The following CFAP299 variants were observed in gnomAD, a reference collection of about 807,000 sequenced individuals.
The protein encoded by CFAP299 is cilia- and flagella-associated protein 299.
A neutral mutation model predicts 27.0 loss-of-function variants in CFAP299; 21 were observed. The observed-to-expected ratio is 0.78, with a 90% CI of 0.55 to 1.12. The LOEUF (loss-of-function observed/expected upper bound fraction) is 1.12, where lower values mean the gene tolerates loss of function less well. Among genes scored for constraint, CFAP299 ranks in the 50% most tolerant of loss-of-function variants. The pLI, the probability that CFAP299 is intolerant of heterozygous loss-of-function variation, is 0.00. For synonymous variants in CFAP299, 104 were observed against 98.1 expected, an observed-to-expected ratio of 1.06 and a Z score of -0.36; for missense variants, 310 against 276.6, an observed-to-expected ratio of 1.12 and a Z score of -0.86.
intron 1 of CFAP299, among the ~76,000 whole-genome samples, chr4:80,350,887 C>T (rs1722981405): frequency 6.6e-6 from 1 of 151,952 alleles, no homozygotes; most frequent in Admixed American, 6.6e-5. Context: ...CACCATGGCA[C>T]ATGTATACCT....
intron 5 of CFAP299, among the ~76,000 whole-genome samples, chr4:80,957,713 T>G (rs1329642479): frequency 6.6e-6 from 1 of 152,176 alleles, no homozygotes; most frequent in Non-Finnish European, 1.5e-5. Context: ...ATATAGATCA[T>G]AAGTGAGAAA....
chr4:80,334,654 G>T (rs1312358096), upstream of CFAP299, among the ~76,000 whole-genome samples: 5 of 151,986 alleles, frequency 3.3e-5, no homozygotes, highest in Admixed American at 3.3e-4. Context: ...TCAAAAATAA[G>T]GCCCAAAATA....
At chr4:80,500,694 A>G (rs1731696107) in intron 2 of CFAP299, among the ~76,000 whole-genome samples, 1 of 152,106 alleles carries the variant, frequency 6.6e-6, no homozygotes, top group Non-Finnish European at 1.5e-5. Flanking sequence ...TACAAGTTCC[A>G]TCTGTCTCAC....
At chr4:80,683,449 G>C (rs1028071138) in intron 3 of CFAP299, among the ~76,000 whole-genome samples, 1 of 151,986 alleles carries the variant, frequency 6.6e-6, no homozygotes, top group Non-Finnish European at 1.5e-5. Flanking sequence ...TGTTTAACAG[G>C]GGAGTCTGAT....
intron 4 of CFAP299, among the ~76,000 whole-genome samples, chr4:80,937,118 T>C (rs900254985): frequency 1.3e-4 from 19 of 151,962 alleles, no homozygotes; most frequent in Admixed American, 9.2e-4. Context: ...GCTTTATACA[T>C]TTAGGTGCTC....
chr4:80,563,489 C>A (rs760244972), intron 2 of CFAP299, among the ~76,000 whole-genome samples: 2 of 151,922 alleles, frequency 1.3e-5, no homozygotes, highest in African/African-American at 2.4e-5. Flanking sequence ...TGAAAAATTT[C>A]TTGAAAGAAA....
chr4:80,866,519 T>C (rs1457208221), intron 3 of CFAP299, among the ~76,000 whole-genome samples: 1 of 152,058 alleles, frequency 6.6e-6, no homozygotes, highest in East Asian at 1.9e-4. Context: ...CAGGATTCTG[T>C]TGTTTTGTTT....
intron 3 of CFAP299, among the ~76,000 whole-genome samples, chr4:80,661,021 A>G (rs1256394428): frequency 1.3e-5 from 2 of 151,966 alleles, no homozygotes; most frequent in Non-Finnish European, 2.9e-5. Context: ...GGAAAGTGCT[A>G]ACTCCGTTAA....
intron 3 of CFAP299, among the ~76,000 whole-genome samples, chr4:80,635,821 C>T (rs2109953151): frequency 6.6e-6 from 1 of 152,128 alleles, no homozygotes; most frequent in Non-Finnish European, 1.5e-5. Flanking sequence ...AGTTAGTATT[C>T]TAAAAATCAT....
chr4:80,738,929 AG>A, intron 3 of CFAP299, among the ~76,000 whole-genome samples: 1 of 151,716 alleles, frequency 6.6e-6, no homozygotes, highest in East Asian at 1.9e-4. Flanking sequence ...TTTTGGTTTG[AG>A]GTTACCATGA....
intron 2 of CFAP299, among the ~76,000 whole-genome samples, chr4:80,540,118 T>A (rs1206053464): frequency 6.6e-6 from 1 of 152,240 alleles, no homozygotes; most frequent in Non-Finnish European, 1.5e-5. Flanking sequence ...ATGCTGTCGC[T>A]TGTGAGTCTA....
chr4:80,910,053 A>G (rs1478068291), intron 4 of CFAP299, among the ~76,000 whole-genome samples: 2 of 152,168 alleles, frequency 1.3e-5, no homozygotes, highest in East Asian at 3.8e-4. Flanking sequence ...AGCTGAATAT[A>G]TGTCTGATTC....
At chr4:80,709,850 G>A (rs1722039112) in intron 3 of CFAP299, among the ~76,000 whole-genome samples, 1 of 152,062 alleles carries the variant, frequency 6.6e-6, no homozygotes, top group African/African-American at 2.4e-5. Context: ...ATGAATAATG[G>A]GAGCTCTCAT....
chr4:80,632,215 A>G (rs558764920), intron 3 of CFAP299, among the ~76,000 whole-genome samples: 24 of 152,260 alleles, frequency 1.6e-4, no homozygotes, highest in South Asian at 4.1e-4. Context: ...ACATTTTCTG[A>G]TAAAAATAAT....
At chr4:80,491,428 A>G (rs1314924331) in intron 2 of CFAP299, among the ~76,000 whole-genome samples, 1 of 152,194 alleles carries the variant, frequency 6.6e-6, no homozygotes, top group Non-Finnish European at 1.5e-5. Flanking sequence ...GTATATACAT[A>G]TATATCCAAA....
At chr4:80,589,334 A>C (rs1486019) in intron 3 of CFAP299, among the ~76,000 whole-genome samples, 141,896 of 152,202 alleles carry the variant, frequency 0.93, 66,211 homozygotes, top group East Asian at 1. Context: ...CAAAGAAAGA[A>C]ACTCATCCAT....
chr4:80,390,028 T>G (rs755118044), intron 2 of CFAP299, among the ~76,000 whole-genome samples: 12 of 152,130 alleles, frequency 7.9e-5, no homozygotes, highest in Non-Finnish European at 1.5e-4. Context: ...TATACATATT[T>G]ATAGTATGCA....
chr4:80,732,770 G>T (rs549879650), intron 3 of CFAP299, among the ~76,000 whole-genome samples: 3 of 151,904 alleles, frequency 2.0e-5, no homozygotes, highest in Non-Finnish European at 2.9e-5. Flanking sequence ...TATGTTCCTC[G>T]TACTAGAAAA....
intron 2 of CFAP299, among the ~76,000 whole-genome samples, chr4:80,454,050 A>T (rs917583244): frequency 9.2e-5 from 14 of 152,060 alleles, no homozygotes; most frequent in African/African-American, 3.1e-4. Flanking sequence ...AAGGCTTAAA[A>T]AATGTATAAA....
Sources: gnomAD v4.1 joint callset for allele counts (sites outside exome capture counted in the v4.1 genomes callset) on GRCh38, gnomAD v4.1.1 for gene constraint, MANE v1.5 for transcripts, NCBI Gene and HGNC (gene_info 2026-07-23, HGNC 2026-07-21) for gene names.